TLL2: variants seen among roughly 807,000 people sequenced by gnomAD.
TLL2 encodes the protein tolloid-like protein 2.
A neutral mutation model predicts 123.0 loss-of-function variants in TLL2; 106 were observed. The ratio of observed to expected loss-of-function variants is 0.86; its 90% CI spans 0.74 to 1.01. The LOEUF is 1.01. TLL2 is among the 50% of genes least tolerant of loss of function. The pLI is 0.00. For synonymous variants in TLL2, 494 were observed against 516.8 expected, an observed-to-expected ratio of 0.96 and a Z score of 0.60; for missense variants, 1,332 against 1,336.7, an observed-to-expected ratio of 1.00 and a Z score of 0.06.
chr10:96,409,050 A>G (rs1015232709), intron 9 of TLL2, among the ~76,000 whole-genome samples: 1 of 152,260 alleles, frequency 6.6e-6, no homozygotes, highest in Non-Finnish European at 1.5e-5. Context: ...ACTATGCTTA[A>G]CTTGACATTT....
intron 1 of TLL2, among the ~76,000 whole-genome samples, chr10:96,480,716 A>C (rs918877567): frequency 1.2e-4 from 18 of 152,206 alleles, no homozygotes; most frequent in African/African-American, 3.9e-4. Context: ...TTGAAAGGTC[A>C]CCTGTCTTGT....
At chr10:96,464,163 T>A (rs1016313112) in intron 2 of TLL2, among the ~76,000 whole-genome samples, 12 of 151,824 alleles carry the variant, frequency 7.9e-5, no homozygotes, top group African/African-American at 2.7e-4. Flanking sequence ...AGGAGTAGGA[T>A]TACTTGAGTC....
intron 1 of TLL2, among the ~76,000 whole-genome samples, chr10:96,508,167 C>T (rs1391036160): frequency 1.3e-5 from 2 of 152,154 alleles, no homozygotes; most frequent in Non-Finnish European, 2.9e-5. Flanking sequence ...GCCCGCCCTG[C>T]CATGAAGGTT....
chr10:96,425,283 CTCTCTCT>C (rs1846668738), intron 5 of TLL2, among the ~76,000 whole-genome samples: 1 of 151,632 alleles, frequency 6.6e-6, no homozygotes, highest in African/African-American at 2.4e-5. Context: ...CTCTCTCTCT[CTCTCTCT>C]CTCATTATTT....
At chr10:96,452,893 A>G (rs1846975073) in intron 2 of TLL2, among the ~76,000 whole-genome samples, 1 of 152,282 alleles carries the variant, frequency 6.6e-6, no homozygotes, top group East Asian at 1.9e-4. Context: ...AGGAATGAAC[A>G]AGGCAATCGC....
At chr10:96,432,020 G>A (rs1376253038) in intron 4 of TLL2, among the ~76,000 whole-genome samples, 1 of 152,086 alleles carries the variant, frequency 6.6e-6, no homozygotes. Flanking sequence ...GGGTAGAGAG[G>A]GTCAAAGGCC....
intron 19 of TLL2, 161 bp downstream of exon 19, chr10:96,373,435 C>A (rs1846103251): frequency 2.9e-6 from 2 of 693,264 alleles, no homozygotes; most frequent in African/African-American, 1.8e-5. Flanking sequence ...GCCACCACGC[C>A]CAGCTTGATG....
At chr10:96,398,868 CTTTTTTTT>C (rs3033618) in intron 10 of TLL2, among the ~76,000 whole-genome samples, 1 of 107,746 alleles carries the variant, frequency 9.3e-6, no homozygotes, top group African/African-American at 3.8e-5. Flanking sequence ...TGAAAATATT[CTTTTTTTT>C]TTTTTTTTTT....
In TLL2 at chr10:96,503,907, G is replaced by A. The variant is rs548164559; in HGVS notation, c.175+9604C>T. Among the ~76,000 whole-genome samples the A allele has an allele frequency of 3.3e-5, 5 of 152,312 alleles. No individual in the cohort carries two copies. The South Asian group carries it at 6.2e-4, about 19-fold the overall frequency. The stretch of plus-strand genomic sequence containing the variant: ...CAGACTGGGCAGCATGGAGAAGCTC[G>A]TTCACTGGGGGTGGAGGCAGCCAGG... On this transcript the variant is annotated intron_variant, in intron 1 of 20. Transcript: ENST00000357947.
In TLL2 at chr10:96,370,090, C is replaced by G. The variant is rs905640033; in HGVS notation, c.2888G>C (p.Arg963Thr). The G allele has an allele frequency of 1.9e-6, 3 of 1,605,866 alleles. No homozygotes were observed. Among genetic ancestry groups the G allele is most frequent in the Admixed American group, 3.4e-5 (2 of 59,470 alleles). Residue 963 changes from arginine to threonine, a missense_variant, in exon 20 of 21, where the codon AGG becomes ACG. Arg to Thr is a moderately conservative substitution (Grantham distance 71). Transcript: ENST00000357947. Reference protein sequence around the residue: ...AYDGYDSSAPRLGRFCGSGPL... With the variant: ...AYDGYDSSAPTLGRFCGSGPL... ...CCCAGAGCCACAGAAGCGGCCGAGCCTGGGCGCTGAGCTGTCGTAGCCGTC... is the reference window on the plus strand; with the variant it reads ...CCCAGAGCCACAGAAGCGGCCGAGCGTGGGCGCTGAGCTGTCGTAGCCGTC...
At position 96,413,246 on chromosome 10, in the gene TLL2, C is replaced by A. The variant is rs140071170; in HGVS notation, c.994G>T (p.Val332Leu). The stretch of plus-strand genomic sequence containing the variant: ...GCTATGTCTCCCTGACTGAGCCGCA[C>A]GCGCTGGCCAATGGTTGGCCTGACG... ...NGVRPTIGQR[V>L]RLSQGDIAQA... is the part of the protein sequence containing the mutation. The change falls in exon 8 of 21, where the codon GTG becomes TTG. Residue 332 changes from valine to leucine, a missense_variant. Transcript: ENST00000357947. 2 of 1,614,158 alleles carry A rather than the reference C, an allele frequency of 1.2e-6. No homozygotes were observed. The highest frequency in any genetic ancestry group is 1.3e-5 in the African/African-American group (1 of 75,048).
At chr10:96,474,206 C>A (rs371639433) in intron 2 of TLL2, among the ~76,000 whole-genome samples, 1 of 152,142 alleles carries the variant, frequency 6.6e-6, no homozygotes, top group Non-Finnish European at 1.5e-5. Context: ...TTTCTTGCCG[C>A]CTTGCCCCCA....
At chr10:96,407,647 C>T (rs1846463288) in intron 9 of TLL2, among the ~76,000 whole-genome samples, 1 of 152,246 alleles carries the variant, frequency 6.6e-6, no homozygotes, top group South Asian at 2.1e-4. Context: ...ACCTCGCAAG[C>T]TGCCCATCTT....
At chr10:96,475,850 T>C (rs914051278) in intron 2 of TLL2, among the ~76,000 whole-genome samples, 3 of 152,042 alleles carry the variant, frequency 2.0e-5, no homozygotes, top group Admixed American at 6.6e-5. Context: ...ATGGGACGGG[T>C]CTTTCCCATG....
At chr10:96,381,089 C>G (rs775327966) in intron 16 of TLL2, among the ~76,000 whole-genome samples, 2 of 152,210 alleles carry the variant, frequency 1.3e-5, no homozygotes, top group African/African-American at 4.8e-5. Flanking sequence ...CACAGGTCCT[C>G]ACCCCTGCTC....
intron 2 of TLL2, among the ~76,000 whole-genome samples, chr10:96,476,682 T>G (rs1847256310): frequency 6.6e-6 from 1 of 152,092 alleles, no homozygotes; most frequent in Non-Finnish European, 1.5e-5. Context: ...TTCACATTTA[T>G]CTATAATGGC....
chr10:96,486,525 C>T (rs1847358046), intron 1 of TLL2, among the ~76,000 whole-genome samples: 1 of 152,240 alleles, frequency 6.6e-6, no homozygotes, highest in Non-Finnish European at 1.5e-5. Flanking sequence ...AAGAAGGCTG[C>T]TCTATAACCA....
At chr10:96,466,585 C>T (rs1174701749) in intron 2 of TLL2, among the ~76,000 whole-genome samples, 1 of 152,182 alleles carries the variant, frequency 6.6e-6, no homozygotes, top group East Asian at 1.9e-4. Context: ...GCAGCCTGGG[C>T]TTTCTTCACC....
At chr10:96,436,543 G>T (rs1846796688) in intron 3 of TLL2, among the ~76,000 whole-genome samples, 1 of 152,112 alleles carries the variant, frequency 6.6e-6, no homozygotes, top group Admixed American at 6.5e-5. Flanking sequence ...GCTCTAGATT[G>T]TTCAAGGCCA....
Sources: allele counts gnomAD v4.1 joint callset (sites outside exome capture counted in the v4.1 genomes callset), GRCh38; gene constraint gnomAD v4.1.1; transcripts MANE v1.5; gene names NCBI Gene and HGNC (gene_info 2026-07-23, HGNC 2026-07-21).